The following UGT1A10 variants were observed in gnomAD, a reference collection of about 807,000 sequenced individuals.
The protein encoded by UGT1A10 is UDP glucuronosyltransferase family 1 member A10.
In UGT1A10, 49 loss-of-function variants were observed where a neutral mutation model predicts 45.8. The ratio of observed to expected loss-of-function variants is 1.07; its 90% confidence interval spans 0.85 to 1.36. The LOEUF is 1.36. Among genes scored for constraint, UGT1A10 ranks in the 40% most tolerant of loss-of-function variants. UGT1A10 has a pLI of 0.00. For synonymous variants in UGT1A10, 284 were observed against 249.7 expected (o/e 1.14, Z -1.29); for missense variants, 745 against 668.6 (o/e 1.11, Z -1.26).
At chr2:233,746,870 G>A (rs544593514) in intron 1 of UGT1A10, among the ~76,000 whole-genome samples, 2 of 151,670 alleles carry the variant, frequency 1.3e-5, no homozygotes, top group African/African-American at 4.9e-5. Flanking sequence ...CCTGATAAAC[G>A]TGGTTAACAG....
At chr2:233,653,788 G>A (rs972342112) in intron 1 of UGT1A10, among the ~76,000 whole-genome samples, 6 of 152,132 alleles carry the variant, frequency 3.9e-5, no homozygotes, top group African/African-American at 1.4e-4. Flanking sequence ...GTAGACATGG[G>A]GTTTTGCCAT....
At position 233,725,224 on chromosome 2, in the gene UGT1A10, CAGAGGCAGA is replaced by C. The variant is rs1559370411; in HGVS notation, c.856-41809_856-41801del. On this transcript the variant is annotated intron_variant, in intron 1 of 4. Transcript: ENST00000344644. ...GAGGCAGAGGCAGAGGCAGAGGAGG[CAGAGGCAGA>C]GGAGGCAGAGGCAGAGGAGGCAGAG... Among the ~76,000 whole-genome samples the C allele has an allele frequency of 9.6e-4, 83 of 86,752 alleles. 33 individuals carry two copies. The highest frequency in any genetic ancestry group is 6.1e-3 in the African/African-American group (72 of 11,874). The allele number at this position is 86,752 out of a possible 152,430, so 56.9% of individuals were successfully genotyped here. A position where few individuals can be genotyped will look rare whatever the true frequency, so the allele number is the denominator to read the frequency against.
intron 1 of UGT1A10, chr2:233,672,420 C>T: frequency 6.2e-7 from 1 of 1,613,894 alleles, no homozygotes; most frequent in South Asian, 1.1e-5. Flanking sequence ...AATATTTCTC[C>T]CTCCCCTCCG....
At chr2:233,683,580 C>G (rs1400280067) in intron 1 of UGT1A10, among the ~76,000 whole-genome samples, 1 of 152,122 alleles carries the variant, frequency 6.6e-6, no homozygotes, top group Admixed American at 6.5e-5. Flanking sequence ...TCTTCCTACT[C>G]AAGAATATGA....
chr2:233,672,353 G>A (rs1360230254), intron 1 of UGT1A10: 5 of 1,614,016 alleles, frequency 3.1e-6, no homozygotes, highest in South Asian at 1.1e-5. Flanking sequence ...TTAAAGGAGA[G>A]TTCTTTTGAT....
intron 1 of UGT1A10, chr2:233,743,796 C>T (rs774777752): frequency 7.3e-7 from 1 of 1,367,346 alleles, no homozygotes; most frequent in South Asian, 1.1e-5. Flanking sequence ...CTCTCCGCTT[C>T]CTCCTTGTTC....
intron 1 of UGT1A10, among the ~76,000 whole-genome samples, chr2:233,678,665 G>A (rs921391959): frequency 6.6e-6 from 1 of 152,134 alleles, no homozygotes; most frequent in East Asian, 1.9e-4. Flanking sequence ...TTTCTATGAG[G>A]CTTGTATTGT....
At chr2:233,767,781 T>A in intron 2 of UGT1A10, 68 bp from the exon 3 acceptor site, 1 of 1,613,388 alleles carries the variant, frequency 6.2e-7, no homozygotes, top group South Asian at 1.1e-5. Flanking sequence ...TTCTAGTTAG[T>A]ATAGCAGATT....
intron 1 of UGT1A10, among the ~76,000 whole-genome samples, chr2:233,674,626 C>T (rs1048652149): frequency 7.0e-5 from 10 of 143,878 alleles, no homozygotes; most frequent in Non-Finnish European, 1.2e-4. Flanking sequence ...TATATGGTTT[C>T]ATTTATTTTG....
intron 1 of UGT1A10, chr2:233,718,931 T>C (rs1174557586): frequency 1.9e-6 from 3 of 1,614,130 alleles, no homozygotes; most frequent in Admixed American, 1.7e-5. Context: ...TGCCCACTGA[T>C]GGCAGCCCCT....
chr2:233,644,038 TC>T (rs2073533710), intron 1 of UGT1A10, among the ~76,000 whole-genome samples: 1 of 152,142 alleles, frequency 6.6e-6, no homozygotes, highest in African/African-American at 2.4e-5. Flanking sequence ...ATGTCGGTAC[TC>T]CCTTGGCTGC....
At chr2:233,747,365 C>A (rs954513567) in intron 1 of UGT1A10, 2 of 1,604,254 alleles carry the variant, frequency 1.2e-6, no homozygotes, top group East Asian at 4.5e-5. Context: ...TGCGGGAGCT[C>A]CATGCCAGAG....
chr2:233,676,092 G>T (rs1662072406), intron 1 of UGT1A10, among the ~76,000 whole-genome samples: 1 of 152,136 alleles, frequency 6.6e-6, no homozygotes. Flanking sequence ...CATTCAAATG[G>T]GAAAGAATAG....
intron 1 of UGT1A10, among the ~76,000 whole-genome samples, chr2:233,700,819 C>T (rs1330583441): frequency 6.6e-6 from 1 of 151,776 alleles, no homozygotes; most frequent in Admixed American, 6.6e-5. Flanking sequence ...TGTGCTGCAC[C>T]CATTAACTCG....
chr2:233,734,406 C>A (rs543210294), intron 1 of UGT1A10, among the ~76,000 whole-genome samples: 1 of 152,048 alleles, frequency 6.6e-6, no homozygotes, highest in East Asian at 1.9e-4. Flanking sequence ...CTATTTGATT[C>A]TTCTCTCTTT....
chr2:233,733,268 A>G (rs2078375878), intron 1 of UGT1A10, among the ~76,000 whole-genome samples: 1 of 152,120 alleles, frequency 6.6e-6, no homozygotes. Flanking sequence ...GGACTATTTG[A>G]CTTCCTCTTT....
At chr2:233,642,625 T>A (rs548841609) in intron 1 of UGT1A10, among the ~76,000 whole-genome samples, 2 of 152,306 alleles carry the variant, frequency 1.3e-5, no homozygotes, top group South Asian at 2.1e-4. Context: ...TTTATTGTAG[T>A]CTTCATTGTC....
chr2:233,718,626 C>T lies in UGT1A10; in HGVS notation c.856-48408C>T, dbSNP rs552976207. 130 of 926,994 alleles carry T rather than the reference C, an allele frequency of 1.4e-4. No individual in the cohort carries two copies. The South Asian group carries it at 5.5e-3, about 39-fold the overall frequency. The allele number at this position is 926,994 out of a possible 1,614,324, so 57.4% of individuals were successfully genotyped here. On this transcript the variant is annotated intron_variant, in intron 1 of 4. Transcript: ENST00000344644. ...GCTTTTCAAGATAGGCGTGATTGGT[C>T]TTTCCCAGGGTTGGGCCCATAACGA...
chr2:233,704,862 G>A (rs991681240), intron 1 of UGT1A10, among the ~76,000 whole-genome samples: 2 of 152,054 alleles, frequency 1.3e-5, no homozygotes, highest in Non-Finnish European at 2.9e-5. Flanking sequence ...GGCCGGGCAC[G>A]GTGGCTCACT....
Sources: gnomAD v4.1 joint callset for allele counts (sites outside exome capture counted in the v4.1 genomes callset) on GRCh38, gnomAD v4.1.1 for gene constraint, MANE v1.5 for transcripts, NCBI Gene and HGNC (gene_info 2026-07-23, HGNC 2026-07-21) for gene names.